The following TEX264 variants were observed in gnomAD, a reference collection of about 807,000 sequenced individuals.
TEX264 encodes the protein testis expressed 264, ER-phagy receptor, also known as testis-expressed protein 264.
Under a neutral mutation model 23.4 loss-of-function variants are expected in TEX264, and 13 were observed. The observed-to-expected ratio is 0.56, with a 90% CI of 0.36 to 0.88. The LOEUF (loss-of-function observed/expected upper bound fraction) is 0.88, where lower values mean the gene tolerates loss of function less well. Ranked by LOEUF, TEX264 falls within the 40% of genes least tolerant of loss-of-function variation. The pLI, the probability that TEX264 is intolerant of heterozygous loss-of-function variation, is 0.01. For missense variants in TEX264, 340 were observed against 406.8 expected, an observed-to-expected ratio of 0.84 and a Z score of 1.41; for synonymous variants, 159 against 170.0, an observed-to-expected ratio of 0.94 and a Z score of 0.50.
chr3:51,697,154 A>G (rs1393044201), intron 3 of TEX264, among the ~76,000 whole-genome samples: 2 of 152,244 alleles, frequency 1.3e-5, no homozygotes, highest in Non-Finnish European at 2.9e-5. Flanking sequence ...ACAGCCAGGC[A>G]ACTTCAGAGC....
At position 51,699,560 on chromosome 3, in the gene TEX264, A is replaced by C; in HGVS notation, c.635A>C (p.Gln212Pro). The stretch of plus-strand genomic sequence containing the variant: ...GGGCTTGTGGAGGCCATTGACACCC[A>C]GGTGGATGGCACAGGTACAGAAGGT... ...WRGLVEAIDT[Q>P]VDGTGADTMS... The change falls in exon 4 of 5, where the codon CAG becomes CCG. Residue 212 changes from glutamine (Q) to proline (P), a missense_variant. Gln to Pro is a moderately conservative substitution (Grantham distance 76, BLOSUM62 -1). Transcript: ENST00000341333. The C allele has an allele frequency of 6.2e-7, 1 of 1,613,936 alleles. No homozygotes were observed. Among genetic ancestry groups the C allele is most frequent in the Non-Finnish European group, 8.5e-7 (1 of 1,179,864 alleles).
At chr3:51,680,992 G>T (rs1174586882) in intron 2 of TEX264, among the ~76,000 whole-genome samples, 4 of 152,186 alleles carry the variant, frequency 2.6e-5, no homozygotes, top group Non-Finnish European at 5.9e-5. Context: ...CCTTGCTGGT[G>T]CCTTGTTCAG....
At chr3:51,676,994 C>G (rs1242204559) in intron 2 of TEX264, among the ~76,000 whole-genome samples, 1 of 152,174 alleles carries the variant, frequency 6.6e-6, no homozygotes, top group Non-Finnish European at 1.5e-5. Context: ...ACTTGGGTCC[C>G]CATTTACTCT....
At chr3:51,688,731 G>C (rs1702716635) in intron 3 of TEX264, among the ~76,000 whole-genome samples, 2 of 152,190 alleles carry the variant, frequency 1.3e-5, no homozygotes, top group African/African-American at 4.8e-5. Context: ...AGAAAAGCGT[G>C]TAAGTAAGGA....
At chr3:51,678,333 T>A (rs2106916090) in intron 2 of TEX264, among the ~76,000 whole-genome samples, 1 of 152,324 alleles carries the variant, frequency 6.6e-6, no homozygotes, top group South Asian at 2.1e-4. Flanking sequence ...CCCTAGTGGC[T>A]GGGCTGCTAT....
chr3:51,671,448 C>G (rs969780332), intron 1 of TEX264, 160 bp downstream of exon 1: 17 of 154,344 alleles, frequency 1.1e-4, no homozygotes, highest in African/African-American at 4.1e-4. Flanking sequence ...TGGCCTCGGC[C>G]AGGTCCGAGG....
intron 3 of TEX264, among the ~76,000 whole-genome samples, chr3:51,694,047 CTCCCT>C (rs111642500): frequency 9.8e-5 from 12 of 122,386 alleles, no homozygotes; most frequent in Non-Finnish European, 1.7e-4. Flanking sequence ...TCCTTCCTTC[CTCCCT>C]TCCCTTCCCT....
intron 3 of TEX264, among the ~76,000 whole-genome samples, chr3:51,695,285 G>C (rs1018360257): frequency 6.6e-6 from 1 of 152,224 alleles, no homozygotes; most frequent in African/African-American, 2.4e-5. Flanking sequence ...GCTGGGCCTA[G>C]AGCTTATGTA....
intron 2 of TEX264, among the ~76,000 whole-genome samples, chr3:51,680,675 A>G (rs1442148327): frequency 2.6e-5 from 4 of 152,174 alleles, no homozygotes; most frequent in Non-Finnish European, 5.9e-5. Context: ...TTCTGGTCCA[A>G]TTCTTGTTCT....
chr3:51,687,145 G>A (rs56942057), intron 3 of TEX264, among the ~76,000 whole-genome samples: 6,765 of 152,276 alleles, frequency 0.044, 497 homozygotes, highest in African/African-American at 0.15. Context: ...CCCAGAGACA[G>A]GTGTGAGGCA....
intron 3 of TEX264, among the ~76,000 whole-genome samples, chr3:51,685,479 GAGA>G (rs1702590510): frequency 6.6e-6 from 1 of 152,268 alleles, no homozygotes; most frequent in South Asian, 2.1e-4. Context: ...ACGTGTGCTA[GAGA>G]AGGAGAGGGT....
chr3:51,700,568 TG>T (rs1391478308), intron 4 of TEX264, among the ~76,000 whole-genome samples: 1 of 152,076 alleles, frequency 6.6e-6, no homozygotes. Flanking sequence ...GCCCCTACTG[TG>T]GGCACAGGAC....
intron 3 of TEX264, among the ~76,000 whole-genome samples, chr3:51,694,224 G>A (rs1477235553): frequency 1.3e-5 from 2 of 151,670 alleles, no homozygotes; most frequent in African/African-American, 2.4e-5. Context: ...TCCATCTCCC[G>A]CATTCAAGCA....
chr3:51,681,814 GGTGA>G (rs900436736), intron 2 of TEX264: 15 of 152,268 alleles, frequency 9.9e-5, no homozygotes, highest in African/African-American at 3.4e-4. Flanking sequence ...GGGAGTGCAA[GGTGA>G]GTGTGTGGGC....
chr3:51,673,858 C>T (rs964358822), intron 1 of TEX264, among the ~76,000 whole-genome samples: 4 of 152,060 alleles, frequency 2.6e-5, no homozygotes, highest in African/African-American at 4.8e-5. Flanking sequence ...GGGCTGGTGG[C>T]GTGGCTCAGC....
chr3:51,685,072 C>T lies in TEX264; in HGVS notation c.480+438C>T, dbSNP rs78636130. On this transcript the variant is annotated intron_variant, in intron 3 of 4. Coordinates refer to ENST00000341333, the MANE Select transcript of TEX264 (RefSeq NM_015926.6). ...GCCCGTGGCCCTGCCTGTGCATGGGCTTATACATCTGCTCCCAGAGGCCAG... is the reference window on the plus strand; with the variant it reads ...GCCCGTGGCCCTGCCTGTGCATGGGTTTATACATCTGCTCCCAGAGGCCAG... 7.7e-3 allele frequency among the ~76,000 whole-genome samples: 1,173 copies of T among 152,334 alleles called. 14 individuals carry two copies. The highest frequency in any genetic ancestry group is 0.027 in the African/African-American group (1,102 of 41,578).
chr3:51,683,091 T>C (rs1168686050), intron 2 of TEX264: 2 of 153,846 alleles, frequency 1.3e-5, no homozygotes, highest in African/African-American at 4.8e-5. Flanking sequence ...TAAGTGGAGG[T>C]AGAGGGAGAA....
chr3:51,697,355 G>A (rs1703102257), intron 3 of TEX264, among the ~76,000 whole-genome samples: 2 of 152,204 alleles, frequency 1.3e-5, no homozygotes. Flanking sequence ...GGGAAGCTAG[G>A]GAGGTGGCTT....
chr3:51,680,866 T>A (rs1349495878), intron 2 of TEX264, among the ~76,000 whole-genome samples: 1 of 152,238 alleles, frequency 6.6e-6, no homozygotes, highest in Non-Finnish European at 1.5e-5. Flanking sequence ...ACAGCCTTAG[T>A]AGGCCTTTTC....
Sources: gnomAD v4.1 joint callset for allele counts (sites outside exome capture counted in the v4.1 genomes callset) on GRCh38, gnomAD v4.1.1 for gene constraint, MANE v1.5 for transcripts, NCBI Gene and HGNC (gene_info 2026-07-23, HGNC 2026-07-21) for gene names.